CCDC3: variants seen among roughly 807,000 people sequenced by gnomAD.
CCDC3 encodes the protein coiled-coil domain containing 3, also known as coiled-coil domain-containing protein 3.
Under a neutral mutation model 21.4 loss-of-function variants are expected in CCDC3, and 24 were observed. The observed-to-expected ratio is 1.12, with a 90% CI of 0.81 to 1.58. The LOEUF (loss-of-function observed/expected upper bound fraction) is 1.58, where lower values mean the gene tolerates loss of function less well. Among genes scored for constraint, CCDC3 ranks in the 40% most tolerant of loss-of-function variants. The pLI is 0.00. For synonymous variants in CCDC3, 186 were observed against 166.0 expected (o/e 1.12, Z -0.93); for missense variants, 425 against 360.9 (o/e 1.18, Z -1.44).
At chr10:13,048,082 G>C (rs767958195) in intron 5 of CCDC3, among the ~76,000 whole-genome samples, 6 of 152,166 alleles carry the variant, frequency 3.9e-5, no homozygotes, top group African/African-American at 1.4e-4. Flanking sequence ...AACTATCTGC[G>C]GGGATGTTTT....
intron 2 of CCDC3, among the ~76,000 whole-genome samples, chr10:12,913,725 C>T (rs1012852354): frequency 6.6e-6 from 1 of 152,184 alleles, no homozygotes. Flanking sequence ...GTTTGTCTTA[C>T]GTGGCCTTTA....
chr10:13,020,275 C>A (rs1223255350), intron 5 of CCDC3, among the ~76,000 whole-genome samples: 4 of 152,156 alleles, frequency 2.6e-5, no homozygotes, highest in Non-Finnish European at 5.9e-5. Flanking sequence ...TGGGACTCAG[C>A]TATTGTTTTT....
chr10:12,987,759 A>G (rs1835620103), intron 2 of CCDC3, among the ~76,000 whole-genome samples: 1 of 152,220 alleles, frequency 6.6e-6, no homozygotes, highest in African/African-American at 2.4e-5. Flanking sequence ...TGCTGGAGGA[A>G]GATGACACAG....
At chr10:12,972,708 T>C (rs976804194) in intron 2 of CCDC3, among the ~76,000 whole-genome samples, 1 of 152,020 alleles carries the variant, frequency 6.6e-6, no homozygotes, top group Admixed American at 6.6e-5. Context: ...CCCCAGCTAC[T>C]CAGGAGGCTG....
At chr10:13,037,712 G>A (rs995917368) in intron 5 of CCDC3, among the ~76,000 whole-genome samples, 10 of 152,100 alleles carry the variant, frequency 6.6e-5, no homozygotes, top group East Asian at 1.9e-4. Context: ...CTATAATCCC[G>A]GCACTTTGGG....
chr10:12,947,334 G>C (rs147038796), intron 2 of CCDC3, among the ~76,000 whole-genome samples: 162 of 152,116 alleles, frequency 1.1e-3, no homozygotes, highest in African/African-American at 3.7e-3. Context: ...TTTCAGTGGA[G>C]ACATGGTTTC....
chr10:13,035,807 T>C (rs1836370446), intron 5 of CCDC3, among the ~76,000 whole-genome samples: 1 of 152,120 alleles, frequency 6.6e-6, no homozygotes, highest in Admixed American at 6.5e-5. Context: ...CCCTTTCCTC[T>C]AGGGAGAGAA....
Position 12,975,080 on chromosome 10 carries a change from C to A in CCDC3, c.549+23258G>T, listed in dbSNP as rs192483631. Among the ~76,000 whole-genome samples, 843 of 152,270 alleles carry A rather than the reference C, an allele frequency of 5.5e-3. 4 individuals are homozygous for A. The highest frequency in any genetic ancestry group is 0.019 in the African/African-American group (786 of 41,554). On this transcript the variant is annotated intron_variant, in intron 2 of 2. Coordinates refer to ENST00000378825, the MANE Select transcript of CCDC3 (RefSeq NM_031455.4). ...GGCAAAGCCAGGAGTCTCGTCCATG[C>A]CAAACTCACGCCGCTCTAGTCACTA...
intron 2 of CCDC3, among the ~76,000 whole-genome samples, chr10:12,957,058 C>T (rs558585614): frequency 2.6e-4 from 40 of 152,332 alleles, no homozygotes; most frequent in Non-Finnish European, 4.1e-4. Flanking sequence ...GACCTAAAAA[C>T]TGTTCCTTTG....
At chr10:13,012,831 T>C (rs1035279102) in intron 5 of CCDC3, among the ~76,000 whole-genome samples, 4 of 151,786 alleles carry the variant, frequency 2.6e-5, no homozygotes, top group African/African-American at 7.3e-5. Flanking sequence ...GGTGACAAAA[T>C]AATTTGTACC....
chr10:12,988,751 G>A (rs574454331), intron 2 of CCDC3, among the ~76,000 whole-genome samples: 6 of 152,218 alleles, frequency 3.9e-5, no homozygotes, highest in African/African-American at 1.4e-4. Flanking sequence ...CCACTACCAC[G>A]TAGGTTCAAG....
At chr10:13,085,413 T>C (rs970933725) in intron 3 of CCDC3, among the ~76,000 whole-genome samples, 2 of 152,342 alleles carry the variant, frequency 1.3e-5, no homozygotes, top group Middle Eastern at 3.4e-3. Flanking sequence ...CCCTGTTACA[T>C]GCCCATTGAA....
chr10:12,963,747 A>AT (rs990514838), intron 2 of CCDC3, among the ~76,000 whole-genome samples: 5 of 151,764 alleles, frequency 3.3e-5, no homozygotes, highest in Admixed American at 6.6e-5. Flanking sequence ...TGCCCAGCGA[A>AT]TTTTTTGTAT....
intron 2 of CCDC3, among the ~76,000 whole-genome samples, chr10:12,930,758 G>T (rs1180630873): frequency 1.3e-5 from 2 of 152,106 alleles, no homozygotes; most frequent in Non-Finnish European, 2.9e-5. Context: ...ACAATGGATT[G>T]GATAGTCTCC....
Position 12,956,136 on chromosome 10 carries a change from G to A in CCDC3, c.549+42202C>T, listed in dbSNP as rs544999026. 6.6e-5 allele frequency among the ~76,000 whole-genome samples: 10 copies of A among 152,240 alleles called. No individual in the cohort carries two copies. The South Asian group carries it at 1.5e-3, about 22-fold the overall frequency. On this transcript the variant is annotated intron_variant, in intron 2 of 2. Transcript: ENST00000378825. ...TGGGATTACAGGCATGAGCCACAGC[G>A]CCCAGCCACTTCACTCTTGTTTCAG...
chr10:13,096,154 T>A (rs915554343), intron 3 of CCDC3, among the ~76,000 whole-genome samples: 1 of 144,598 alleles, frequency 6.9e-6, no homozygotes, highest in African/African-American at 2.5e-5. Context: ...CTTCCTTCCT[T>A]CCCTCCTTCT....
Position 12,984,242 on chromosome 10 carries a change from G to A in CCDC3, c.549+14096C>T, listed in dbSNP as rs1335109317. Among the ~76,000 whole-genome samples the A allele has an allele frequency of 2.0e-5, 3 of 152,314 alleles. No homozygotes were observed. The South Asian group carries it at 6.2e-4, about 32-fold the overall frequency. Reference sequence around the variant, plus strand: ...ACAACCTAGTTAAAAATTGGACAAAGGACTTGAATAGACGTTTCTCCCAAA... The same window carrying A: ...ACAACCTAGTTAAAAATTGGACAAAAGACTTGAATAGACGTTTCTCCCAAA... On this transcript the variant is annotated intron_variant, in intron 2 of 2. Coordinates refer to ENST00000378825, the MANE Select transcript of CCDC3 (RefSeq NM_031455.4).
intron 2 of CCDC3, among the ~76,000 whole-genome samples, chr10:12,956,096 G>A (rs796954845): frequency 5.9e-5 from 9 of 151,864 alleles, no homozygotes; most frequent in South Asian, 2.1e-4. Context: ...CTCCCACCTC[G>A]GCCTCCCAAA....
intron 2 of CCDC3, among the ~76,000 whole-genome samples, chr10:12,936,156 C>CATT (rs1564290156): frequency 3.9e-5 from 6 of 152,154 alleles, no homozygotes; most frequent in African/African-American, 1.4e-4. Flanking sequence ...TGCAGGTTTA[C>CATT]GGTCCGACGG....
Sources: gnomAD v4.1 joint callset for allele counts (sites outside exome capture counted in the v4.1 genomes callset) on GRCh38, gnomAD v4.1.1 for gene constraint, MANE v1.5 for transcripts, NCBI Gene and HGNC (gene_info 2026-07-23, HGNC 2026-07-21) for gene names.